The following OPCML variants were observed in gnomAD, a reference collection of about 807,000 sequenced individuals.
The protein encoded by OPCML is opioid-binding protein/cell adhesion molecule.
Under a neutral mutation model 37.8 loss-of-function variants are expected in OPCML, and 13 were observed. The ratio of observed to expected loss-of-function variants is 0.34; its 90% CI spans 0.22 to 0.55. The LOEUF is 0.55. Among genes scored for constraint, OPCML ranks in the 20% least tolerant of loss-of-function variants. The pLI is 0.91. For missense variants in OPCML, 341 were observed against 435.6 expected (o/e 0.78, Z 1.93); for synonymous variants, 176 against 168.8 (o/e 1.04, Z -0.33).
In OPCML at chr11:132,734,213, C is replaced by G. The variant is rs183820093; in HGVS notation, c.147-76894G>C. 2.0e-3 allele frequency among the ~76,000 whole-genome samples: 305 copies of G among 152,222 alleles called. 2 individuals carry two copies. The highest frequency in any genetic ancestry group is 7.1e-3 in the African/African-American group (296 of 41,538). Reference sequence around the variant, plus strand: ...ATAAAGAATCTTTGTGATAGCCAGGCCCCCAGATGCCTCCCTTATTCTGCA... The same window carrying G: ...ATAAAGAATCTTTGTGATAGCCAGGGCCCCAGATGCCTCCCTTATTCTGCA... On this transcript the variant is annotated intron_variant, in intron 2 of 7. Transcript: ENST00000524381.
chr11:133,253,611 C>T (rs181061639), intron 1 of OPCML, among the ~76,000 whole-genome samples: 2 of 152,108 alleles, frequency 1.3e-5, no homozygotes, highest in Non-Finnish European at 2.9e-5. Context: ...GCCTGGCTTG[C>T]GAGTCACATT....
intron 4 of OPCML, among the ~76,000 whole-genome samples, chr11:132,441,090 A>T (rs967359696): frequency 6.6e-6 from 1 of 151,750 alleles, no homozygotes; most frequent in Non-Finnish European, 1.5e-5. Context: ...GGAAAGAAAG[A>T]CAGAGGTGGG....
At chr11:133,227,860 C>T (rs758681514) in intron 1 of OPCML, among the ~76,000 whole-genome samples, 63 of 152,262 alleles carry the variant, frequency 4.1e-4, no homozygotes, top group Non-Finnish European at 8.4e-4. Context: ...CGCTAAGATG[C>T]CCTGCGGTGC....
chr11:132,804,389 A>C (rs1226529106), intron 2 of OPCML, among the ~76,000 whole-genome samples: 1 of 152,192 alleles, frequency 6.6e-6, no homozygotes, highest in African/African-American at 2.4e-5. Context: ...AACTGTGAAA[A>C]GGAAGCCTCA....
At chr11:133,144,884 T>A (rs930574129) in intron 1 of OPCML, among the ~76,000 whole-genome samples, 2 of 152,192 alleles carry the variant, frequency 1.3e-5, no homozygotes, top group Non-Finnish European at 2.9e-5. Flanking sequence ...TACACAGACA[T>A]CTGGGTGACA....
chr11:133,291,589 C>T (rs1942476021), intron 1 of OPCML, among the ~76,000 whole-genome samples: 1 of 152,236 alleles, frequency 6.6e-6, no homozygotes, highest in South Asian at 2.1e-4. Context: ...ATTTTCTCAC[C>T]TCTTCTACCC....
chr11:133,148,597 A>T (rs1949930883), intron 1 of OPCML, among the ~76,000 whole-genome samples: 1 of 152,182 alleles, frequency 6.6e-6, no homozygotes, highest in African/African-American at 2.4e-5. Flanking sequence ...TGTGCACTTC[A>T]TTGCTCGCTC....
chr11:132,490,797 C>T lies in OPCML; in HGVS notation c.505+38264G>A, dbSNP rs954484323. 2.5e-4 allele frequency among the ~76,000 whole-genome samples: 36 copies of T among 145,956 alleles called. 1 individual carries two copies. Among genetic ancestry groups the T allele is most frequent in the African/African-American group, 7.2e-4 (28 of 39,142 alleles). On this transcript the variant is annotated intron_variant, in intron 4 of 7. Transcript: ENST00000524381. ...CTGCACTCCAGCCTGGGTGACAGAG[C>T]GAGACTCTATCTCAAAAAAAAAGAA...
chr11:133,157,358 A>G (rs905039616), intron 1 of OPCML, among the ~76,000 whole-genome samples: 7 of 152,182 alleles, frequency 4.6e-5, no homozygotes, highest in Non-Finnish European at 1.0e-4. Context: ...CTCTCCCAGA[A>G]TGCTAGCAGG....
At chr11:132,740,590 T>A (rs1030038425) in intron 2 of OPCML, among the ~76,000 whole-genome samples, 1 of 152,140 alleles carries the variant, frequency 6.6e-6, no homozygotes, top group Non-Finnish European at 1.5e-5. Flanking sequence ...GTAGCACCTA[T>A]CACCTCGCTA....
intron 1 of OPCML, among the ~76,000 whole-genome samples, chr11:133,427,319 CA>C (rs1946022334): frequency 6.9e-6 from 1 of 145,276 alleles, no homozygotes; most frequent in Non-Finnish European, 1.5e-5. Flanking sequence ...AACACAAGAA[CA>C]AAAACTTAAT....
intron 3 of OPCML, among the ~76,000 whole-genome samples, chr11:132,562,298 T>A (rs992128815): frequency 7.3e-5 from 11 of 151,710 alleles, no homozygotes; most frequent in African/African-American, 2.7e-4. Context: ...AGGTCTCCTG[T>A]AAAGCACTAT....
At chr11:133,194,299 CT>C (rs2136307376) in intron 1 of OPCML, among the ~76,000 whole-genome samples, 1 of 151,602 alleles carries the variant, frequency 6.6e-6, no homozygotes, top group African/African-American at 2.4e-5. Flanking sequence ...CAACCTCCGC[CT>C]CCCAGGCTCA....
At chr11:132,930,878 A>T (rs1406181999) in intron 2 of OPCML, among the ~76,000 whole-genome samples, 2 of 152,216 alleles carry the variant, frequency 1.3e-5, no homozygotes, top group Non-Finnish European at 2.9e-5. Flanking sequence ...AAATATAAAC[A>T]AAGTTAGTGG....
At chr11:132,760,285 G>A (rs1226962090) in intron 2 of OPCML, among the ~76,000 whole-genome samples, 1 of 152,168 alleles carries the variant, frequency 6.6e-6, no homozygotes, top group Non-Finnish European at 1.5e-5. Context: ...TTGATTTGGG[G>A]TGGAGAGTTC....
chr11:132,874,029 A>G (rs968739163), intron 2 of OPCML, among the ~76,000 whole-genome samples: 2 of 152,186 alleles, frequency 1.3e-5, no homozygotes, highest in African/African-American at 2.4e-5. Context: ...GGTGCCTGCC[A>G]TAACACCAGC....
chr11:133,154,197 C>T (rs1273996335), intron 1 of OPCML, among the ~76,000 whole-genome samples: 4 of 146,710 alleles, frequency 2.7e-5, no homozygotes, highest in Non-Finnish European at 4.5e-5. Context: ...CCCATCCGCA[C>T]GAATGTGCTC....
intron 1 of OPCML, among the ~76,000 whole-genome samples, chr11:132,990,639 G>A (rs948234288): frequency 6.6e-6 from 1 of 152,158 alleles, no homozygotes; most frequent in African/African-American, 2.4e-5. Flanking sequence ...GTAAGAAACT[G>A]GAGGAAACAG....
intron 1 of OPCML, among the ~76,000 whole-genome samples, chr11:133,144,527 A>G (rs961580364): frequency 1.4e-4 from 21 of 152,220 alleles, no homozygotes; most frequent in African/African-American, 4.3e-4. Flanking sequence ...TGTCTTTCCT[A>G]CAAGCCCAGG....
Sources: allele counts gnomAD v4.1 joint callset (sites outside exome capture counted in the v4.1 genomes callset), GRCh38; gene constraint gnomAD v4.1.1; transcripts MANE v1.5; gene names NCBI Gene and HGNC (gene_info 2026-07-23, HGNC 2026-07-21).